TMEM163: variants seen among roughly 807,000 people sequenced by gnomAD.
TMEM163 encodes the protein transmembrane protein 163.
A neutral mutation model predicts 29.3 loss-of-function variants in TMEM163; 17 were observed. The observed-to-expected ratio is 0.58, with a 90% CI of 0.40 to 0.87. The LOEUF (loss-of-function observed/expected upper bound fraction) is 0.87. Among genes scored for constraint, TMEM163 ranks in the 40% least tolerant of loss-of-function variants. The pLI, the probability that TMEM163 is intolerant of heterozygous loss-of-function variation, is 0.00. For synonymous variants in TMEM163, 157 were observed against 160.6 expected (o/e 0.98, Z 0.17); for missense variants, 303 against 381.5 (o/e 0.79, Z 1.71).
Position 134,466,166 on chromosome 2 carries a change from C to A in TMEM163, c.615G>T (p.Val205=), listed in dbSNP as rs369670762. The A allele has an allele frequency of 2.4e-5, 39 of 1,613,988 alleles. No individual in the cohort carries two copies. The highest frequency in any genetic ancestry group is 3.3e-4 in the Middle Eastern group (2 of 6,084). ...LSGILCSILA[V]LKFMLGKVLT... ...GAACCTTCCCCAGCATGAACTTCAA[C>A]ACGGCCAGGATGCTGCAAAGAATCC... Residue 205 remains valine, a synonymous_variant, in exon 6 of 8, where the codon GTG becomes GTT. Coordinates refer to ENST00000281924, the MANE Select transcript of TMEM163 (RefSeq NM_030923.5).
intron 2 of TMEM163, among the ~76,000 whole-genome samples, chr2:134,708,287 GT>G (rs1490841291): frequency 1.3e-5 from 2 of 152,190 alleles, no homozygotes; most frequent in Non-Finnish European, 2.9e-5. Flanking sequence ...CAATGTGTCT[GT>G]CAGATGAGAG....
At chr2:134,639,824 G>A (rs1055030105) in intron 2 of TMEM163, among the ~76,000 whole-genome samples, 1 of 152,146 alleles carries the variant, frequency 6.6e-6, no homozygotes, top group African/African-American at 2.4e-5. Context: ...ATGTCTCCCA[G>A]GAAAGGAAGA....
chr2:134,592,889 T>TAGATAGATAGATAGATAGATAGATAGAC (rs1458567539), intron 2 of TMEM163, among the ~76,000 whole-genome samples: 11 of 152,086 alleles, frequency 7.2e-5, no homozygotes, highest in South Asian at 4.1e-4. Context: ...GATAGATAGA[T>TAGATAGATAGATAGATAGATAGATAGAC]AGACCAACCC....
intron 2 of TMEM163, among the ~76,000 whole-genome samples, chr2:134,633,966 CATATATATATATATATATATAT>C (rs535811215): frequency 0.011 from 398 of 37,858 alleles, 9 homozygotes; most frequent in East Asian, 0.035. Flanking sequence ...AAAAAAAATA[CATATATATATATATATATATAT>C]ATATATATAT....
chr2:134,716,911 T>C (rs1685050365), intron 1 of TMEM163, among the ~76,000 whole-genome samples: 1 of 152,216 alleles, frequency 6.6e-6, no homozygotes, highest in Admixed American at 6.5e-5. Context: ...ACCGGGTTCT[T>C]TGGCGAATAG....
chr2:134,547,417 C>T (rs970574941), intron 4 of TMEM163, among the ~76,000 whole-genome samples: 1 of 152,082 alleles, frequency 6.6e-6, no homozygotes, highest in East Asian at 1.9e-4. Flanking sequence ...CAAGATTCAT[C>T]CCAAGGTTTT....
Position 134,500,237 on chromosome 2 carries a change from G to A in TMEM163, c.555+2664C>T, listed in dbSNP as rs183750805. ...TGACTCCTAATTGAGATGAAGCATT[G>A]TGAATAAATGCACATTTTGGATTAC... is the stretch of plus-strand genomic sequence containing the variant. On this transcript the variant is annotated intron_variant, in intron 5 of 7. Transcript: ENST00000281924. 8.5e-5 allele frequency among the ~76,000 whole-genome samples: 13 copies of A among 152,328 alleles called. No homozygotes were observed. The East Asian group carries it at 2.5e-3, about 29-fold the overall frequency.
At chr2:134,468,543 G>A (rs1686720150) in intron 5 of TMEM163, 1 of 152,288 alleles carries the variant, frequency 6.6e-6, no homozygotes, top group African/African-American at 2.4e-5. Flanking sequence ...AGGAAGCATA[G>A]GCTGGGAGAC....
intron 4 of TMEM163, among the ~76,000 whole-genome samples, chr2:134,545,035 A>G (rs1301155246): frequency 1.3e-5 from 2 of 151,460 alleles, no homozygotes; most frequent in African/African-American, 4.9e-5. Flanking sequence ...TATCCTTTAT[A>G]TGCCTACACA....
At chr2:134,476,399 G>C (rs1191415475) in intron 5 of TMEM163, among the ~76,000 whole-genome samples, 1 of 152,114 alleles carries the variant, frequency 6.6e-6, no homozygotes, top group Non-Finnish European at 1.5e-5. Context: ...GTAGTTCTGT[G>C]ACAATACACA....
chr2:134,520,959 A>T (rs1680177341), intron 4 of TMEM163, among the ~76,000 whole-genome samples: 1 of 151,310 alleles, frequency 6.6e-6, no homozygotes, highest in African/African-American at 2.4e-5. Context: ...TTTTGTTTTT[A>T]CAAAGCTCTC....
At chr2:134,563,211 G>C (rs553796842) in intron 2 of TMEM163, among the ~76,000 whole-genome samples, 5 of 152,346 alleles carry the variant, frequency 3.3e-5, no homozygotes, top group African/African-American at 1.2e-4. Flanking sequence ...TCCACTGCCA[G>C]CCAGGCAGTC....
chr2:134,646,962 G>A (rs770963785), intron 2 of TMEM163, among the ~76,000 whole-genome samples: 4 of 152,254 alleles, frequency 2.6e-5, no homozygotes, highest in Admixed American at 6.5e-5. Flanking sequence ...TTCCCAATAT[G>A]GGTCCCTTCT....
intron 2 of TMEM163, among the ~76,000 whole-genome samples, chr2:134,604,232 C>T (rs1682299370): frequency 6.6e-6 from 1 of 152,142 alleles, no homozygotes. Flanking sequence ...TGCTGCAGCA[C>T]TGTTTACAAT....
At chr2:134,643,182 TAAA>T (rs1363687651) in intron 2 of TMEM163, among the ~76,000 whole-genome samples, 1 of 151,990 alleles carries the variant, frequency 6.6e-6, no homozygotes, top group African/African-American at 2.4e-5. Context: ...CCACAGACAT[TAAA>T]AGAATAATAA....
intron 5 of TMEM163, among the ~76,000 whole-genome samples, chr2:134,470,937 C>T (rs1029284237): frequency 2.6e-5 from 4 of 152,144 alleles, no homozygotes; most frequent in South Asian, 2.1e-4. Flanking sequence ...TTTGAGAGGC[C>T]GAGGCGGGAA....
In TMEM163 at chr2:134,625,588, T is replaced by C. The variant is rs147003310; in HGVS notation, c.323-73497A>G. 4.7e-3 allele frequency among the ~76,000 whole-genome samples: 723 copies of C among 152,340 alleles called. 5 individuals carry two copies. The highest frequency in any genetic ancestry group is 0.015 in the African/African-American group (618 of 41,570). On this transcript the variant is annotated intron_variant, in intron 2 of 7. Coordinates refer to ENST00000281924, the MANE Select transcript of TMEM163 (RefSeq NM_030923.5). ...GATACCTGTGATTCTGACTTCCTTC[T>C]TTTCCTTTATATGAGATGTGGCCTT...
At chr2:134,630,997 T>C (rs1191820554) in intron 2 of TMEM163, among the ~76,000 whole-genome samples, 1 of 136,402 alleles carries the variant, frequency 7.3e-6, no homozygotes, top group Non-Finnish European at 1.6e-5. Flanking sequence ...CTCAGCTAAG[T>C]GTCAAACACT....
intron 2 of TMEM163, among the ~76,000 whole-genome samples, chr2:134,574,555 T>C (rs1295262661): frequency 6.6e-6 from 1 of 152,194 alleles, no homozygotes; most frequent in Non-Finnish European, 1.5e-5. Flanking sequence ...AGAGAAACCC[T>C]GTCTCAAAAC....
Sources: gnomAD v4.1 joint callset for allele counts (sites outside exome capture counted in the v4.1 genomes callset) on GRCh38, gnomAD v4.1.1 for gene constraint, MANE v1.5 for transcripts, NCBI Gene and HGNC (gene_info 2026-07-23, HGNC 2026-07-21) for gene names.